Variants in PPM1L observed in about 807,000 individuals in gnomAD.
PPM1L encodes the protein protein phosphatase, Mg2+/Mn2+ dependent 1L.
A neutral mutation model predicts 31.4 loss-of-function variants in PPM1L; 13 were observed. The ratio of observed to expected loss-of-function variants is 0.41; its 90% confidence interval spans 0.27 to 0.66. PPM1L has a LOEUF of 0.66. PPM1L is among the 30% of genes least tolerant of loss of function. The pLI is 0.29. For missense variants in PPM1L, 326 were observed against 453.7 expected (o/e 0.72, Z 2.56); for synonymous variants, 184 against 175.4 (o/e 1.05, Z -0.39).
chr3:160,814,014 A>G (rs984984828), intron 1 of PPM1L, among the ~76,000 whole-genome samples: 1 of 152,220 alleles, frequency 6.6e-6, no homozygotes, highest in African/African-American at 2.4e-5. Context: ...AGAAAAGTAA[A>G]GATCTTTTAC....
At chr3:160,792,484 C>T (rs1712134533) in intron 1 of PPM1L, among the ~76,000 whole-genome samples, 2 of 151,768 alleles carry the variant, frequency 1.3e-5, no homozygotes, top group East Asian at 3.9e-4. Flanking sequence ...ATGCTTTACA[C>T]CCAGTTTATT....
At chr3:160,804,062 C>T (rs1441504381) in intron 1 of PPM1L, among the ~76,000 whole-genome samples, 5 of 151,920 alleles carry the variant, frequency 3.3e-5, no homozygotes, top group Non-Finnish European at 5.9e-5. Flanking sequence ...GGACTACAGG[C>T]GCCCGCCACC....
intron 1 of PPM1L, among the ~76,000 whole-genome samples, chr3:160,844,725 T>A (rs1560124098): frequency 6.6e-6 from 1 of 152,146 alleles, no homozygotes; most frequent in Non-Finnish European, 1.5e-5. Context: ...CTATGTTTTT[T>A]AAAGAGCCTT....
At chr3:160,980,091 A>G (rs1716744349) in intron 2 of PPM1L, among the ~76,000 whole-genome samples, 1 of 152,026 alleles carries the variant, frequency 6.6e-6, no homozygotes, top group African/African-American at 2.4e-5. Flanking sequence ...ATAAAAATTC[A>G]TCTGAAAGAG....
In PPM1L at chr3:161,010,451, C is replaced by T. The variant is rs79334633; in HGVS notation, c.574+48541C>T. 9.2e-3 allele frequency among the ~76,000 whole-genome samples: 1,399 copies of T among 152,248 alleles called. 66 individuals carry two copies. The highest frequency in any genetic ancestry group is 0.069 in the Admixed American group (1,054 of 15,294). On this transcript the variant is annotated intron_variant, in intron 2 of 3. Transcript: ENST00000498165. ...TTGGACATTTGGGTTGGTTCCAAGT[C>T]TTTGCTATTGTGAATAGTGCTGCAA...
chr3:160,862,406 A>C (rs77785118), intron 1 of PPM1L, among the ~76,000 whole-genome samples: 8,345 of 152,090 alleles, frequency 0.055, 459 homozygotes, highest in African/African-American at 0.14. Flanking sequence ...TAGCAAAATG[A>C]AGGTATGTTT....
At chr3:160,974,557 T>C (rs552105970) in intron 2 of PPM1L, among the ~76,000 whole-genome samples, 1,881 of 151,956 alleles carry the variant, frequency 0.012, 36 homozygotes, top group African/African-American at 0.044. Context: ...TTTTAATGAT[T>C]GCCATTGTAA....
intron 2 of PPM1L, among the ~76,000 whole-genome samples, chr3:161,034,156 G>A (rs1262403735): frequency 2.0e-5 from 3 of 152,164 alleles, no homozygotes; most frequent in East Asian, 1.9e-4. Context: ...ACTATCTCAT[G>A]CCAGTTAGAA....
At chr3:161,043,170 G>C (rs1316823366) in intron 2 of PPM1L, among the ~76,000 whole-genome samples, 2 of 151,986 alleles carry the variant, frequency 1.3e-5, no homozygotes, top group Non-Finnish European at 2.9e-5. Context: ...GTGGGGCCAT[G>C]AGAAGCTTCA....
chr3:160,818,526 A>G (rs1713061765), intron 1 of PPM1L, among the ~76,000 whole-genome samples: 1 of 152,048 alleles, frequency 6.6e-6, no homozygotes, highest in Non-Finnish European at 1.5e-5. Flanking sequence ...TGGCTAAAAT[A>G]ACCAGACGAT....
intron 1 of PPM1L, among the ~76,000 whole-genome samples, chr3:160,923,165 A>G (rs1714470359): frequency 6.6e-6 from 1 of 152,106 alleles, no homozygotes; most frequent in Admixed American, 6.5e-5. Context: ...TTCCCTATTC[A>G]CTGATGAGGT....
At chr3:161,051,121 C>T (rs1719262076) in intron 2 of PPM1L, among the ~76,000 whole-genome samples, 1 of 152,172 alleles carries the variant, frequency 6.6e-6, no homozygotes, top group Non-Finnish European at 1.5e-5. Context: ...CACCCGCCAT[C>T]TCCTCAGACT....
chr3:160,920,998 C>G (rs1714384610), intron 1 of PPM1L, among the ~76,000 whole-genome samples: 2 of 152,110 alleles, frequency 1.3e-5, no homozygotes, highest in Admixed American at 6.6e-5. Flanking sequence ...ATTTACAAAA[C>G]CCTTTTCTCT....
chr3:161,026,023 C>A (rs1718379995), intron 2 of PPM1L, among the ~76,000 whole-genome samples: 1 of 151,922 alleles, frequency 6.6e-6, no homozygotes, highest in African/African-American at 2.4e-5. Flanking sequence ...ATAAAAAAAT[C>A]TTTTTAAAAG....
chr3:160,773,185 C>T (rs976737969), intron 1 of PPM1L, among the ~76,000 whole-genome samples: 1 of 152,126 alleles, frequency 6.6e-6, no homozygotes, highest in African/African-American at 2.4e-5. Flanking sequence ...TTAATTTTAG[C>T]CATTGTAGTA....
chr3:160,816,048 A>G (rs989348477), intron 1 of PPM1L, among the ~76,000 whole-genome samples: 2 of 152,168 alleles, frequency 1.3e-5, no homozygotes, highest in Non-Finnish European at 2.9e-5. Flanking sequence ...CAAATATACC[A>G]TCAGCATACA....
intron 1 of PPM1L, among the ~76,000 whole-genome samples, chr3:160,911,418 T>C (rs375374166): frequency 2.0e-5 from 3 of 152,178 alleles, no homozygotes; most frequent in African/African-American, 7.2e-5. Context: ...GCAGACCTTC[T>C]TAGCAAATGC....
At chr3:160,879,863 C>T (rs1343161856) in intron 1 of PPM1L, among the ~76,000 whole-genome samples, 1 of 152,160 alleles carries the variant, frequency 6.6e-6, no homozygotes, top group South Asian at 2.1e-4. Flanking sequence ...CACAGTGATA[C>T]AAATTGAGAA....
At chr3:160,911,855 A>G (rs1010796863) in intron 1 of PPM1L, among the ~76,000 whole-genome samples, 3 of 152,156 alleles carry the variant, frequency 2.0e-5, no homozygotes, top group African/African-American at 4.8e-5. Flanking sequence ...CATGTAAACC[A>G]TTTGGCATTG....
Sources: allele counts gnomAD v4.1 joint callset (sites outside exome capture counted in the v4.1 genomes callset), GRCh38; gene constraint gnomAD v4.1.1; transcripts MANE v1.5; gene names NCBI Gene and HGNC (gene_info 2026-07-23, HGNC 2026-07-21).